RPS6KC1: variants seen among roughly 807,000 people sequenced by gnomAD.
RPS6KC1 encodes inactive ribosomal protein S6 kinase delta-1.
In RPS6KC1, 54 loss-of-function variants were observed where a neutral mutation model predicts 103.8. The ratio of observed to expected loss-of-function variants is 0.52; its 90% CI spans 0.42 to 0.65. The LOEUF is 0.65. Ranked by LOEUF, RPS6KC1 falls within the 30% of genes least tolerant of loss-of-function variation. The pLI is 0.00. For synonymous variants in RPS6KC1, 439 were observed against 438.7 expected (o/e 1.00, Z -0.01); for missense variants, 1,151 against 1,253.8 (o/e 0.92, Z 1.24).
chr1:213,162,787 AT>A (rs2090609280), intron 6 of RPS6KC1, among the ~76,000 whole-genome samples: 1 of 152,248 alleles, frequency 6.6e-6, no homozygotes, highest in South Asian at 2.1e-4. Context: ...GCTAGACATT[AT>A]TGAAAACAAT....
chr1:213,580,819 C>CA, the RPS6KC1 span, among the ~76,000 whole-genome samples: 21,721 of 151,590 alleles, frequency 0.14, 1,747 homozygotes, highest in Non-Finnish European at 0.17. Context: ...TTTTTTAAGA[C>CA]AAAATGCTAT....
chr1:213,419,897 C>T, the RPS6KC1 span, among the ~76,000 whole-genome samples: 14 of 152,140 alleles, frequency 9.2e-5, no homozygotes, highest in Admixed American at 3.9e-4. Flanking sequence ...GCTTTGCCAC[C>T]CTGTGGGAGG....
chr1:213,201,718 G>A (rs7543173), intron 8 of RPS6KC1, among the ~76,000 whole-genome samples: 15,803 of 152,106 alleles, frequency 0.1, 2,588 homozygotes, highest in African/African-American at 0.36. Context: ...CTCACCATTT[G>A]TATGAATCTA....
At chr1:213,419,034 C>A in the RPS6KC1 span, among the ~76,000 whole-genome samples, 2 of 152,228 alleles carry the variant, frequency 1.3e-5, no homozygotes, top group East Asian at 3.8e-4. Context: ...CACGCACATT[C>A]TCTGGAACTT....
At chr1:213,493,353 G>A in the RPS6KC1 span, among the ~76,000 whole-genome samples, 1 of 152,122 alleles carries the variant, frequency 6.6e-6, no homozygotes, top group African/African-American at 2.4e-5. Context: ...GTGTAAAATG[G>A]TGTCTTTGTT....
the RPS6KC1 span, among the ~76,000 whole-genome samples, chr1:213,424,473 C>A: frequency 6.6e-6 from 1 of 152,234 alleles, no homozygotes; most frequent in Admixed American, 6.5e-5. Context: ...GGCTTCAGAG[C>A]ATTGGAGGTT....
the RPS6KC1 span, among the ~76,000 whole-genome samples, chr1:213,854,518 TTC>T: frequency 7.2e-4 from 57 of 79,504 alleles, no homozygotes; most frequent in Non-Finnish European, 1.2e-3. Flanking sequence ...TTCTCTTTCT[TTC>T]TTTCTTTCTT....
chr1:213,732,806 C>G, the RPS6KC1 span, among the ~76,000 whole-genome samples: 1 of 152,074 alleles, frequency 6.6e-6, no homozygotes, highest in South Asian at 2.1e-4. Context: ...CTTCAATTCC[C>G]CTCCCCAATC....
the RPS6KC1 span, among the ~76,000 whole-genome samples, chr1:213,560,438 G>A: frequency 6.6e-6 from 1 of 152,178 alleles, no homozygotes; most frequent in African/African-American, 2.4e-5. Flanking sequence ...AAGGAATGCA[G>A]GTGGCCTCTC....
the RPS6KC1 span, among the ~76,000 whole-genome samples, chr1:213,815,873 C>T: frequency 4.6e-5 from 7 of 152,178 alleles, no homozygotes; most frequent in Non-Finnish European, 8.8e-5. Flanking sequence ...ACATGCCTTC[C>T]TCACTAAGCT....
At chr1:213,430,531 C>T in the RPS6KC1 span, among the ~76,000 whole-genome samples, 2 of 152,300 alleles carry the variant, frequency 1.3e-5, no homozygotes, top group East Asian at 3.9e-4. Context: ...TATGTGATGA[C>T]TCTCTTGCAT....
the RPS6KC1 span, among the ~76,000 whole-genome samples, chr1:213,728,948 G>GTTTTTTTTTTTTTTTTTTT: frequency 1.1e-5 from 1 of 91,288 alleles, no homozygotes; most frequent in Non-Finnish European, 2.1e-5. Context: ...TTTTTTTTTT[G>GTTTTTTTTTTTTTTTTTTT]TTTTTTTTTT....
the RPS6KC1 span, among the ~76,000 whole-genome samples, chr1:213,849,341 A>T: frequency 6.6e-6 from 1 of 152,184 alleles, no homozygotes; most frequent in Non-Finnish European, 1.5e-5. Flanking sequence ...GGAGCCTGGC[A>T]ATCCATGTAG....
the RPS6KC1 span, among the ~76,000 whole-genome samples, chr1:213,397,845 TG>T: frequency 2.6e-5 from 4 of 152,144 alleles, no homozygotes; most frequent in East Asian, 7.7e-4. Flanking sequence ...ACGTACACTC[TG>T]GGAAGCCTTT....
chr1:213,618,684 A>G, the RPS6KC1 span, among the ~76,000 whole-genome samples: 1 of 152,246 alleles, frequency 6.6e-6, no homozygotes, highest in Non-Finnish European at 1.5e-5. Context: ...ATGGTATTCC[A>G]GGACTACTGA....
intron 8 of RPS6KC1, among the ~76,000 whole-genome samples, chr1:213,184,988 G>A (rs1369461236): frequency 6.6e-6 from 1 of 152,156 alleles, no homozygotes; most frequent in Non-Finnish European, 1.5e-5. Context: ...TTCTGAAAAT[G>A]TCAGTAGGCC....
At chr1:213,825,255 G>C in the RPS6KC1 span, among the ~76,000 whole-genome samples, 3 of 152,162 alleles carry the variant, frequency 2.0e-5, no homozygotes, top group Admixed American at 1.3e-4. Context: ...CAGCTAGACA[G>C]GACTCACTTT....
chr1:213,597,189 A>G, the RPS6KC1 span, among the ~76,000 whole-genome samples: 1 of 152,198 alleles, frequency 6.6e-6, no homozygotes, highest in African/African-American at 2.4e-5. Context: ...TTTAGGTTTA[A>G]AGGGTTCTTT....
At chr1:213,727,319 A>G in the RPS6KC1 span, among the ~76,000 whole-genome samples, 1 of 152,192 alleles carries the variant, frequency 6.6e-6, no homozygotes, top group African/African-American at 2.4e-5. Flanking sequence ...AAATACTAAG[A>G]AAGTGTGCCT....
Sources: allele counts gnomAD v4.1 joint callset (sites outside exome capture counted in the v4.1 genomes callset), GRCh38; gene constraint gnomAD v4.1.1; transcripts MANE v1.5; gene names NCBI Gene and HGNC (gene_info 2026-07-23, HGNC 2026-07-21).